The following TEX9 variants were observed in gnomAD, a reference collection of about 807,000 sequenced individuals.
TEX9 encodes testis-expressed protein 9.
In TEX9, 74 loss-of-function variants were observed where a neutral mutation model predicts 59.6. That is an observed-to-expected ratio of 1.24 (90% CI 1.03 to 1.51). The LOEUF is 1.51. TEX9 is among the 40% of genes most tolerant of loss of function. The pLI is 0.00. For missense variants in TEX9, 522 were observed against 447.8 expected, an observed-to-expected ratio of 1.17 and a Z score of -1.49; for synonymous variants, 186 against 152.2, an observed-to-expected ratio of 1.22 and a Z score of -1.64.
Position 56,315,166 on chromosome 15 carries a change from G to A in TEX9, c.-106-58275G>A, listed in dbSNP as rs1212505189. 1.1e-3 allele frequency among the ~76,000 whole-genome samples: 159 copies of A among 146,312 alleles called. 1 individual carries two copies. Among genetic ancestry groups the A allele is most frequent in the African/African-American group, 3.6e-3 (145 of 39,870 alleles). On this transcript the variant is annotated intron_variant, in intron 1 of 5. Transcript: ENST00000560827. ...TCCATTTACATTTAAAGTTAGTATT[G>A]TTATGTGTGAATTTGATCCTGTCAT... is the stretch of plus-strand genomic sequence containing the variant.
At chr15:56,459,173 G>C in the TEX9 span, among the ~76,000 whole-genome samples, 1 of 152,086 alleles carries the variant, frequency 6.6e-6, no homozygotes, top group African/African-American at 2.4e-5. Flanking sequence ...CCATGGATTT[G>C]CATATTCTGG....
chr15:56,325,270 A>G (rs2045998437), intron 1 of TEX9, among the ~76,000 whole-genome samples: 1 of 152,214 alleles, frequency 6.6e-6, no homozygotes, highest in African/African-American at 2.4e-5. Context: ...TCCATCAGCT[A>G]GATAGTGGTG....
intron 1 of TEX9, among the ~76,000 whole-genome samples, chr15:56,287,653 T>A (rs754269697): frequency 1.3e-5 from 2 of 152,158 alleles, no homozygotes; most frequent in Non-Finnish European, 2.9e-5. Context: ...AAATTTTTTG[T>A]CTTTTGACCA....
At chr15:56,458,111 C>T in the TEX9 span, among the ~76,000 whole-genome samples, 4 of 152,090 alleles carry the variant, frequency 2.6e-5, no homozygotes, top group Admixed American at 6.5e-5. Context: ...AAGCTAATTC[C>T]AAAAGATTAC....
chr15:56,384,569 C>T (rs1380951458), intron 4 of TEX9, among the ~76,000 whole-genome samples: 1 of 152,156 alleles, frequency 6.6e-6, no homozygotes, highest in Admixed American at 6.5e-5. Context: ...TGGGTTAAGC[C>T]ACTGGAATTT....
intron 4 of TEX9, among the ~76,000 whole-genome samples, chr15:56,386,795 GCT>G (rs1291834877): frequency 6.6e-6 from 1 of 151,704 alleles, no homozygotes; most frequent in African/African-American, 2.4e-5. Flanking sequence ...TGATGATGAC[GCT>G]CTGTTTACCT....
intron 1 of TEX9, among the ~76,000 whole-genome samples, chr15:56,300,708 G>GGAGAGAGAGAGAGAGAGAGAGA (rs60361737): frequency 1.9e-4 from 20 of 102,722 alleles, no homozygotes; most frequent in African/African-American, 7.1e-4. Context: ...AGAGAGAGAG[G>GGAGAGAGAGAGAGAGAGAGAGA]GAGAGAGAGA....
At chr15:56,300,256 C>A (rs1480418274) in intron 1 of TEX9, among the ~76,000 whole-genome samples, 1 of 150,276 alleles carries the variant, frequency 6.7e-6, no homozygotes, top group East Asian at 2.0e-4. Context: ...GTGATGATGG[C>A]CATGAGGAGA....
At position 56,276,612 on chromosome 15, in the gene TEX9, A is replaced by G. The variant is rs1340227517; in HGVS notation, c.-107+32334A>G. Among the ~76,000 whole-genome samples, 3 of 152,134 alleles carry G rather than the reference A, an allele frequency of 2.0e-5. No individual in the cohort carries two copies. The East Asian group carries it at 5.8e-4, about 29-fold the overall frequency. On this transcript the variant is annotated intron_variant, in intron 1 of 5. Coordinates refer to the TEX9 transcript ENST00000560827. ...ATTTGGGTTGGTCCAAGTCTTTGCT[A>G]TTGTAAAAGGTGCTGCAGTAAACAG...
chr15:56,435,620 A>G lies in TEX9; in HGVS notation c.*29+7147A>G, dbSNP rs539992850. Reference sequence around the variant, plus strand: ...AAACACAAGCTACCAAAACTCACCAAATATGAAATAAGGTAATCTGAATAG... The same window carrying G: ...AAACACAAGCTACCAAAACTCACCAGATATGAAATAAGGTAATCTGAATAG... On this transcript the variant is annotated intron_variant, in intron 12 of 12. Transcript: ENST00000352903. Among the ~76,000 whole-genome samples, 111 of 152,118 alleles carry G rather than the reference A, an allele frequency of 7.3e-4. 1 individual carries two copies. Among genetic ancestry groups the G allele is most frequent in the African/African-American group, 2.4e-3 (98 of 41,546 alleles).
At chr15:56,351,303 AG>A (rs2046574184) in intron 1 of TEX9, among the ~76,000 whole-genome samples, 2 of 152,158 alleles carry the variant, frequency 1.3e-5, no homozygotes, top group African/African-American at 4.8e-5. Context: ...TGTCTCAATG[AG>A]ATAATGAAGT....
At chr15:56,427,196 G>GTATT (rs1305109774) in intron 10 of TEX9, among the ~76,000 whole-genome samples, 1 of 151,990 alleles carries the variant, frequency 6.6e-6, no homozygotes, top group Non-Finnish European at 1.5e-5. Flanking sequence ...ATCTCAACCA[G>GTATT]TATTTCTGCT....
chr15:56,444,511 C>G (rs779281766), intron 12 of TEX9: 1 of 1,612,024 alleles, frequency 6.2e-7, no homozygotes, highest in Non-Finnish European at 8.5e-7. Context: ...AGCAGCTGCT[C>G]ATAAGCTTCC....
At chr15:56,399,224 A>G (rs1173816694) in intron 9 of TEX9, among the ~76,000 whole-genome samples, 2 of 152,112 alleles carry the variant, frequency 1.3e-5, no homozygotes, top group African/African-American at 4.8e-5. Context: ...GCCATGACAG[A>G]CTGTACCTGG....
At chr15:56,328,210 G>C (rs1258271681) in intron 1 of TEX9, among the ~76,000 whole-genome samples, 1 of 151,942 alleles carries the variant, frequency 6.6e-6, no homozygotes, top group African/African-American at 2.4e-5. Context: ...CTAGCTTCTG[G>C]ATGACATTTC....
At chr15:56,372,777 A>T (rs907798347) in intron 2 of TEX9, among the ~76,000 whole-genome samples, 2 of 152,220 alleles carry the variant, frequency 1.3e-5, no homozygotes, top group African/African-American at 4.8e-5. Flanking sequence ...ATTTTTTTCA[A>T]TAATATTGTC....
chr15:56,367,163 T>G (rs901762911), intron 2 of TEX9, among the ~76,000 whole-genome samples: 1 of 152,288 alleles, frequency 6.6e-6, no homozygotes, highest in Admixed American at 6.5e-5. Flanking sequence ...ACGAGTTACT[T>G]TATAAAACGA....
downstream of TEX9, chr15:56,447,021 T>A: frequency 1.1e-6 from 1 of 939,888 alleles, no homozygotes; most frequent in Non-Finnish European, 1.6e-6. Context: ...TGAGTAACTG[T>A]ATTTTTAATT....
At chr15:56,252,379 C>CTTTTTTT (rs3050136) in intron 1 of TEX9, among the ~76,000 whole-genome samples, 3,827 of 119,510 alleles carry the variant, frequency 0.032, 180 homozygotes, top group East Asian at 0.067. Flanking sequence ...TTAGAAAAAC[C>CTTTTTTT]TTTTTTTTTT....
Sources: gnomAD v4.1 joint callset for allele counts (sites outside exome capture counted in the v4.1 genomes callset) on GRCh38, gnomAD v4.1.1 for gene constraint, MANE v1.5 for transcripts, NCBI Gene and HGNC (gene_info 2026-07-23, HGNC 2026-07-21) for gene names.